The following AFTPH variants were observed in gnomAD, a reference collection of about 807,000 sequenced individuals.
AFTPH encodes the protein aftiphilin, also known as aftiphilin protein.
Under a neutral mutation model 72.5 loss-of-function variants are expected in AFTPH, and 7 were observed. The ratio of observed to expected loss-of-function variants is 0.10; its 90% CI spans 0.05 to 0.18. The LOEUF (loss-of-function observed/expected upper bound fraction) is 0.18, where lower values mean the gene tolerates loss of function less well. Ranked by LOEUF, AFTPH falls within the 10% of genes least tolerant of loss-of-function variation. The pLI is 1.00. For synonymous variants in AFTPH, 337 were observed against 370.1 expected (o/e 0.91, Z 1.03); for missense variants, 979 against 1,060.5 (o/e 0.92, Z 1.07).
rs534959757 is a variant in AFTPH at position 64,571,922 on chromosome 2, A to G, written c.2272-1024A>G. 8.6e-5 allele frequency among the ~76,000 whole-genome samples: 13 copies of G among 151,034 alleles called. No individual in the cohort carries two copies. The East Asian group carries it at 2.3e-3, about 27-fold the overall frequency. ...ACTGAACATCTATTTTTCTTACTCA[A>G]AAAGCATATTAGGCCGGGCGTGGTG... On this transcript the variant is annotated intron_variant, in intron 5 of 8. Coordinates refer to ENST00000238856, the Ensembl canonical transcript of AFTPH.
intron 2 of AFTPH, 150 bp downstream of exon 2, chr2:64,553,559 A>G (rs1671177594): frequency 1.2e-6 from 1 of 835,430 alleles, no homozygotes; most frequent in South Asian, 2.8e-5. Flanking sequence ...TGGGTTGGTT[A>G]CATTTTTCAC....
intron 6 of AFTPH, among the ~76,000 whole-genome samples, chr2:64,576,217 T>C (rs1449691886): frequency 1.3e-5 from 2 of 149,442 alleles, no homozygotes; most frequent in Non-Finnish European, 3.0e-5. Flanking sequence ...TATATGTAAA[T>C]ATATGTAATT....
chr2:64,531,997 A>G (rs534409240), intron 1 of AFTPH, among the ~76,000 whole-genome samples: 2 of 152,344 alleles, frequency 1.3e-5, no homozygotes, highest in East Asian at 1.9e-4. Context: ...TTTTCGTAGT[A>G]TACATGGGTT....
At chr2:64,584,016 C>T (rs72814026) in intron 7 of AFTPH, among the ~76,000 whole-genome samples, 14 of 152,008 alleles carry the variant, frequency 9.2e-5, no homozygotes, top group Admixed American at 2.0e-4. Flanking sequence ...TTATATATAA[C>T]TTGATCTGCT....
intron 7 of AFTPH, among the ~76,000 whole-genome samples, chr2:64,584,690 G>A (rs1012230964): frequency 2.7e-5 from 4 of 145,586 alleles, no homozygotes; most frequent in Non-Finnish European, 5.9e-5. Context: ...TCCGCCTTCC[G>A]GGTTCATGCC....
chr2:64,567,459 C>T (rs2104045499), intron 2 of AFTPH, 103 bp from the exon 3 acceptor site: 1 of 1,177,436 alleles, frequency 8.5e-7, no homozygotes, highest in Non-Finnish European at 1.2e-6. Context: ...CTTCCTCTCT[C>T]ACAGTAGTGG....
Position 64,555,509 on chromosome 2 carries a change from C to T in AFTPH, c.1935+2100C>T, listed in dbSNP as rs375825954. Among the ~76,000 whole-genome samples, 29 of 149,904 alleles carry T rather than the reference C, an allele frequency of 1.9e-4. No individual in the cohort carries two copies. The South Asian group carries it at 4.0e-3, about 21-fold the overall frequency. ...CCAGCAGGTGGAGGTTGCAGTGAGC[C>T]GAGATCACACCACTGCATTTCAGGC... On this transcript the variant is annotated intron_variant, in intron 2 of 8. Transcript: ENST00000238856.
exon 6 of AFTPH, chr2:64,573,027 A>T: frequency 6.2e-7 from 1 of 1,614,158 alleles, no homozygotes; most frequent in Non-Finnish European, 8.5e-7. Flanking sequence ...GACAGCCACC[A>T]TGTCACCAGA....
chr2:64,564,420 G>C (rs962231997), intron 2 of AFTPH, among the ~76,000 whole-genome samples: 1 of 151,946 alleles, frequency 6.6e-6, no homozygotes, highest in African/African-American at 2.4e-5. Flanking sequence ...CATCCACCTC[G>C]TGAGGTAGAT....
chr2:64,573,123 C>T, intron 6 of AFTPH, 55 bp downstream of exon 6: 1 of 1,282,374 alleles, frequency 7.8e-7, no homozygotes, highest in Non-Finnish European at 1.1e-6. Flanking sequence ...ACACATATAT[C>T]CACACATACT....
chr2:64,588,084 C>T (rs1293576336), intron 8 of AFTPH, among the ~76,000 whole-genome samples: 1 of 152,104 alleles, frequency 6.6e-6, no homozygotes, highest in Non-Finnish European at 1.5e-5. Context: ...AAAAAGAAAC[C>T]CTGTACCCAT....
intron 1 of AFTPH, among the ~76,000 whole-genome samples, chr2:64,548,421 A>C (rs1415825310): frequency 6.7e-6 from 1 of 149,806 alleles, no homozygotes; most frequent in Non-Finnish European, 1.5e-5. Flanking sequence ...AAAAAAAAAA[A>C]AAAAAAAAAA....
intron 1 of AFTPH, among the ~76,000 whole-genome samples, chr2:64,531,396 T>G (rs1669626456): frequency 6.6e-6 from 1 of 152,238 alleles, no homozygotes; most frequent in Non-Finnish European, 1.5e-5. Flanking sequence ...TATGCAGTTT[T>G]TAAATTACTG....
intron 1 of AFTPH, among the ~76,000 whole-genome samples, chr2:64,533,681 A>G (rs889538915): frequency 1.3e-5 from 2 of 152,204 alleles, no homozygotes; most frequent in African/African-American, 4.8e-5. Context: ...GTGATGGTAT[A>G]CTATATAACC....
At chr2:64,552,460 G>A (rs1323434148) in exon 2 of AFTPH, 3 of 1,613,892 alleles carry the variant, frequency 1.9e-6, no homozygotes, top group Admixed American at 3.3e-5. Context: ...TTACAGTCAG[G>A]TGTTCAGTCA....
chr2:64,568,788 T>C (rs1672244622), intron 3 of AFTPH, among the ~76,000 whole-genome samples: 1 of 152,186 alleles, frequency 6.6e-6, no homozygotes, highest in South Asian at 2.1e-4. Context: ...TTTTTGTATT[T>C]TTTAGTAGAG....
chr2:64,590,535 C>T (rs1673764909), intron 8 of AFTPH, among the ~76,000 whole-genome samples: 1 of 152,120 alleles, frequency 6.6e-6, no homozygotes, highest in South Asian at 2.1e-4. Flanking sequence ...TCTGGTTTTA[C>T]TTTGGAATGA....
At chr2:64,544,622 C>T (rs1487461178) in intron 1 of AFTPH, among the ~76,000 whole-genome samples, 2 of 147,430 alleles carry the variant, frequency 1.4e-5, no homozygotes, top group East Asian at 3.9e-4. Flanking sequence ...CTATTTAAAG[C>T]CCATATTTTA....
At chr2:64,548,797 CT>C (rs1002064009) in intron 1 of AFTPH, among the ~76,000 whole-genome samples, 86 of 149,900 alleles carry the variant, frequency 5.7e-4, no homozygotes, top group East Asian at 3.1e-3. Flanking sequence ...GTATCTTGTA[CT>C]TTTTTTTTTC....
Sources: gnomAD v4.1 joint callset for allele counts (sites outside exome capture counted in the v4.1 genomes callset) on GRCh38, gnomAD v4.1.1 for gene constraint, MANE v1.5 for transcripts, NCBI Gene and HGNC (gene_info 2026-07-23, HGNC 2026-07-21) for gene names.